Variants in ARHGAP33 observed in about 807,000 individuals in gnomAD.
The protein encoded by ARHGAP33 is rho GTPase-activating protein 33.
In ARHGAP33, 57 loss-of-function variants were observed where a neutral mutation model predicts 126.2. The ratio of observed to expected loss-of-function variants is 0.45; its 90% CI spans 0.36 to 0.56. The LOEUF (loss-of-function observed/expected upper bound fraction) is 0.56. Ranked by LOEUF, ARHGAP33 falls within the 20% of genes least tolerant of loss-of-function variation. The probability of loss-of-function intolerance (pLI) is 0.00; values close to 1 mark genes in which losing one functional copy is unlikely to be tolerated. For synonymous variants in ARHGAP33, 711 were observed against 755.0 expected, an observed-to-expected ratio of 0.94 and a Z score of 0.95; for missense variants, 1,500 against 1,748.3, an observed-to-expected ratio of 0.86 and a Z score of 2.53.
chr19:35,780,696 T>TGGGGGG, intron 9 of ARHGAP33, 48 bp downstream of exon 9: 10 of 825,626 alleles, frequency 1.2e-5, no homozygotes, highest in East Asian at 5.3e-5. Context: ...TGGGAAGGGG[T>TGGGGGG]GGGGCCTCCT....
In ARHGAP33 at chr19:35,782,919, C is replaced by T. The variant is rs375181905; in HGVS notation, c.1421+50C>T. The T allele has an allele frequency of 2.2e-5, 32 of 1,471,776 alleles. No individual in the cohort carries two copies. The African/African-American group carries it at 4.1e-4, about 19-fold the overall frequency. 91.2% of individuals were successfully genotyped at this position (1,471,776 alleles called of 1,614,324 possible). ...CCCCTCAGGTCTTTCCCCAAAACCA[C>T]CCCAGGAACCCGCCCAGCTTTTCTT... is the stretch of plus-strand genomic sequence containing the variant. On this transcript the variant is annotated intron_variant, in intron 15 of 20. Transcript: ENST00000007510. The surrounding 1 kb of genome is among the most constrained non-coding windows in gnomAD (Gnocchi z 4.1).
At chr19:35,784,373 A>G in intron 16 of ARHGAP33, 56 bp downstream of exon 16, 2 of 1,486,092 alleles carry the variant, frequency 1.3e-6, no homozygotes, top group South Asian at 1.4e-5. Context: ...TCAGGGCTGC[A>G]GGGGGAGGGC....
At position 35,775,565 on chromosome 19, in the gene ARHGAP33, C is replaced by T. The variant is rs1971409076; in HGVS notation, c.-94C>T. On this transcript the variant is annotated 5_prime_UTR_variant, in exon 1 of 21. Coordinates refer to ENST00000007510, the MANE Select transcript of ARHGAP33 (RefSeq NM_001366178.1). Reference sequence around the variant, plus strand: ...TGCAGCCGCCCGCGCGCGGCTCGCGCCCTCCCCTTTGTGTCGCCATGGCGG... The same window carrying T: ...TGCAGCCGCCCGCGCGCGGCTCGCGTCCTCCCCTTTGTGTCGCCATGGCGG... 1 of 1,382,006 alleles carries T rather than the reference C, an allele frequency of 7.2e-7. No individual in the cohort carries two copies. The highest frequency in any genetic ancestry group is 1.6e-5 in the South Asian group (1 of 62,624). 85.6% of individuals were successfully genotyped at this position (1,382,006 alleles called of 1,614,324 possible).
At position 35,777,752 on chromosome 19, in the gene ARHGAP33, A is replaced by T. The variant is rs1288477311; in HGVS notation, c.104+10A>T. 3 of 1,613,390 alleles carry T rather than the reference A, an allele frequency of 1.9e-6. No homozygotes were observed. Among genetic ancestry groups the T allele is most frequent in the Non-Finnish European group, 2.5e-6 (3 of 1,179,578 alleles). On this transcript the variant is annotated intron_variant, in intron 2 of 20. Transcript: ENST00000007510. ...GGAAGCCTGGGAAGAGGTGAGGGTG[A>T]GGGAGGAAAGGGCTCAGCTAGGAGC...
At position 35,782,627 on chromosome 19, in the gene ARHGAP33, C is replaced by A. The variant is rs142824875; in HGVS notation, c.1261C>A (p.Arg421Ser). The change falls in exon 14 of 21, where the codon CGT becomes AGT. Residue 421 changes from arginine (R) to serine (S), a missense_variant. Arg to Ser is a moderately radical substitution (Grantham distance 110). This residue lies in a region of ARHGAP33 where 281 missense variants were observed against 413.7 expected (regional missense o/e 0.68). Transcript: ENST00000007510. This position sits in a 1 kb window ranked among gnomAD's most constrained non-coding sequence, Gnocchi z 4.1. ...EAMSVPGEEE[R>S]LVRVHDVIQQ... is the part of the protein sequence containing the mutation. ...CATGTCAGTGCCTGGGGAGGAGGAG[C>A]GTCTGGTGCGGGTGCACGATGTCAT... The A allele has an allele frequency of 3.1e-6, 5 of 1,613,700 alleles. No individual in the cohort carries two copies. The highest frequency in any genetic ancestry group is 4.2e-6 in the Non-Finnish European group (5 of 1,179,906).
rs767639423 is a variant in ARHGAP33, at chr19:35,787,718, C to T, written c.3153C>T (p.Gly1051=). Residue 1051 remains glycine, a synonymous_variant, in exon 21 of 21, where the codon GGC becomes GGT. Coordinates refer to ENST00000007510, the MANE Select transcript of ARHGAP33 (RefSeq NM_001366178.1). ...LPPFLGVPKP[G]LYPLGPPSFQ... Reference sequence around the variant, plus strand: ...CCTTCCTCGGGGTCCCCAAGCCAGGCTTGTACCCCCTGGGCCCCCCATCCT... The same window carrying T: ...CCTTCCTCGGGGTCCCCAAGCCAGGTTTGTACCCCCTGGGCCCCCCATCCT... The T allele has an allele frequency of 3.8e-6, 6 of 1,589,406 alleles. No individual in the cohort carries two copies. The highest frequency in any genetic ancestry group is 4.3e-6 in the Non-Finnish European group (5 of 1,172,580).
rs1476222355 is a variant in ARHGAP33 at position 35,784,962 on chromosome 19, T to G, written c.1577T>G (p.Leu526Arg). 5 of 1,541,576 alleles carry G rather than the reference T, an allele frequency of 3.2e-6. No individual in the cohort carries two copies. The Admixed American group carries it at 9.8e-5, about 30-fold the overall frequency. Reference sequence around the variant, plus strand: ...TTTCCACACTCCCCAGGCCGCTGCCTGCTCCCCAGGCCCAAGTCCCTTGCG... The same window carrying G: ...TTTCCACACTCCCCAGGCCGCTGCCGGCTCCCCAGGCCCAAGTCCCTTGCG... ...SAGLDPAGRC[L>R]LPRPKSLAGS... is the part of the protein sequence containing the mutation. Residue 526 changes from leucine (L) to arginine (R), a missense_variant, in exon 17 of 21, where the codon CTG (leucine) becomes CGG (arginine). Transcript: ENST00000007510.
At chr19:35,778,196 C>T in intron 3 of ARHGAP33, 84 bp from the exon 4 acceptor site, 1 of 1,461,932 alleles carries the variant, frequency 6.8e-7, no homozygotes, top group South Asian at 1.2e-5. Flanking sequence ...AGAAGGGAGT[C>T]ACAAACCCGT....
intron 1 of ARHGAP33, among the ~76,000 whole-genome samples, chr19:35,776,480 C>T (rs1391104072): frequency 3.3e-5 from 5 of 152,168 alleles, no homozygotes; most frequent in Non-Finnish European, 7.4e-5. Context: ...GGGGGACAGA[C>T]CCTGAGGGTG....
chr19:35,777,693 C>T lies in ARHGAP33; in HGVS notation c.55C>T (p.Pro19Ser). The change falls in exon 2 of 21, where the codon CCT becomes TCT. Residue 19 changes from proline (P) to serine (S), a missense_variant. Physicochemically the swap from Pro to Ser is moderately conservative, Grantham distance 74. Around this residue, in one of 6 missense-constraint regions of ARHGAP33, gnomAD observed 129 missense variants for 145.9 expected, o/e 0.88. Coordinates refer to ENST00000007510, the MANE Select transcript of ARHGAP33 (RefSeq NM_001366178.1). Reference protein sequence around the residue: ...LDGPGEGSVQPLPTAGGPSVK... With the variant: ...LDGPGEGSVQSLPTAGGPSVK... ...TGGCCCAGGGGAGGGCTCGGTGCAG[C>T]CTCTACCCACTGCTGGGGGGCCCAG... 2 of 1,598,672 alleles carry T rather than the reference C, an allele frequency of 1.3e-6. No individual in the cohort carries two copies. Among genetic ancestry groups the T allele is most frequent in the Non-Finnish European group, 1.7e-6 (2 of 1,172,670 alleles).
rs746265432 is a variant in ARHGAP33, at chr19:35,781,267, C to A, written c.1085+15C>A. On this transcript the variant is annotated intron_variant, in intron 12 of 20. Transcript: ENST00000007510. ...CAGAGGCTTCGGTGAGGGCCCTTAG[C>A]CAACCCTGTCCTTCCACAGGCACTC... 1.2e-6 allele frequency: 2 copies of A among 1,613,008 alleles called. No individual in the cohort carries two copies. The highest frequency in any genetic ancestry group is 2.2e-5 in the South Asian group (2 of 91,060).
At chr19:35,784,401 C>T (rs981179126) in intron 16 of ARHGAP33, 84 bp downstream of exon 16, 5 of 1,450,516 alleles carry the variant, frequency 3.4e-6, no homozygotes, top group East Asian at 5.3e-5. Flanking sequence ...CTCCCAGTCC[C>T]GTCCCCACCC....
At position 35,786,107 on chromosome 19, in the gene ARHGAP33, A is replaced by C; in HGVS notation, c.1943-306A>C. 2 of 1,246,346 alleles carry C rather than the reference A, an allele frequency of 1.6e-6. No homozygotes were observed. The highest frequency in any genetic ancestry group is 3.9e-5 in the Admixed American group (1 of 25,502). 77.2% of individuals were successfully genotyped at this position (1,246,346 alleles called of 1,614,324 possible). On this transcript the variant is annotated intron_variant, in intron 19 of 20. Coordinates refer to ENST00000007510, the MANE Select transcript of ARHGAP33 (RefSeq NM_001366178.1). This position sits in a 1 kb window ranked among gnomAD's most constrained non-coding sequence, Gnocchi z 7.0. Reference sequence around the variant, plus strand: ...GGGGGCTCTTCTGAGCCACCGCGCCATCCTCACACTCCTGGGGTACTGCCC... The same window carrying C: ...GGGGGCTCTTCTGAGCCACCGCGCCCTCCTCACACTCCTGGGGTACTGCCC...
intron 19 of ARHGAP33, 141 bp downstream of exon 19, chr19:35,785,624 G>A: frequency 4.8e-6 from 7 of 1,469,678 alleles, no homozygotes; most frequent in Non-Finnish European, 6.3e-6. Flanking sequence ...TGGCCTTTAT[G>A]TACAATGAGT....
At chr19:35,777,968 C>A in intron 3 of ARHGAP33, 60 bp downstream of exon 3, 1 of 1,567,056 alleles carries the variant, frequency 6.4e-7, no homozygotes, top group East Asian at 2.2e-5. Flanking sequence ...AACCTTGCAA[C>A]GATATCAGGT....
rs192163876 is a variant in ARHGAP33 at position 35,777,081 on chromosome 19, G to T, written c.7-564G>T. ...AAGTTCAAGAGCTCTGAGAGTGGGG[G>T]CAATGGGAAGAGATGGGACTGGAGA... is the stretch of plus-strand genomic sequence containing the variant. On this transcript the variant is annotated intron_variant, in intron 1 of 20. Transcript: ENST00000007510. Among the ~76,000 whole-genome samples, 6 of 152,270 alleles carry T rather than the reference G, an allele frequency of 3.9e-5. No homozygotes were observed. The East Asian group carries it at 5.8e-4, about 15-fold the overall frequency.
At chr19:35,775,741 C>T in intron 1 of ARHGAP33, 77 bp downstream of exon 1, 1 of 1,397,300 alleles carries the variant, frequency 7.2e-7, no homozygotes, top group Non-Finnish European at 9.6e-7. Flanking sequence ...CCGCGCGCCC[C>T]GCCCCCGGCC....
chr19:35,782,550 C>T lies in ARHGAP33; in HGVS notation c.1230+33C>T, dbSNP rs374981895. 6.8e-6 allele frequency: 11 copies of T among 1,613,232 alleles called. No homozygotes were observed. The highest frequency in any genetic ancestry group is 2.7e-5 in the African/African-American group (2 of 74,910). ...AGGGAGCTGGCGGGACGGAGGGGGC[C>T]GGGACGCCTCTGGCCCAGACCTCAT... On this transcript the variant is annotated intron_variant, in intron 13 of 20. Coordinates refer to ENST00000007510, the MANE Select transcript of ARHGAP33 (RefSeq NM_001366178.1). This position sits in a 1 kb window ranked among gnomAD's most constrained non-coding sequence, Gnocchi z 4.1.
intron 19 of ARHGAP33, chr19:35,785,838 T>G: frequency 8.6e-7 from 1 of 1,167,456 alleles, no homozygotes. Context: ...TCCTCTCAAT[T>G]TGCAGACTAC....
Sources: gnomAD v4.1 joint callset for allele counts (sites outside exome capture counted in the v4.1 genomes callset) on GRCh38, gnomAD v4.1.1 for gene constraint, gnomAD v4.1.1 regional missense constraint, Gnocchi (gnomAD v3.1) non-coding constraint, MANE v1.5 for transcripts, NCBI Gene and HGNC (gene_info 2026-07-23, HGNC 2026-07-21) for gene names.